UNC5D: variants seen among roughly 807,000 people sequenced by gnomAD.
The protein encoded by UNC5D is netrin receptor UNC5D.
A neutral mutation model predicts 105.4 loss-of-function variants in UNC5D; 39 were observed. The ratio of observed to expected loss-of-function variants is 0.37; its 90% CI spans 0.29 to 0.48. The LOEUF (loss-of-function observed/expected upper bound fraction) is 0.48. Among genes scored for constraint, UNC5D ranks in the 20% least tolerant of loss-of-function variants. The probability of loss-of-function intolerance (pLI) is 0.98; values close to 1 mark genes in which losing one functional copy is unlikely to be tolerated. For missense variants in UNC5D, 991 were observed against 1,202.4 expected, an observed-to-expected ratio of 0.82 and a Z score of 2.60; for synonymous variants, 452 against 450.4, an observed-to-expected ratio of 1.00 and a Z score of -0.04.
chr8:35,676,744 A>G (rs546976280), intron 4 of UNC5D, among the ~76,000 whole-genome samples: 14 of 152,290 alleles, frequency 9.2e-5, no homozygotes, highest in Admixed American at 2.6e-4. Flanking sequence ...GCACCATAAC[A>G]TTCATGGATG....
At chr8:35,533,324 C>T (rs578145069) in intron 1 of UNC5D, among the ~76,000 whole-genome samples, 230 of 152,116 alleles carry the variant, frequency 1.5e-3, no homozygotes, top group Non-Finnish European at 2.8e-3. Context: ...GGTCAGTGTG[C>T]CCCTGCTGGG....
intron 1 of UNC5D, among the ~76,000 whole-genome samples, chr8:35,446,464 T>C (rs949108583): frequency 6.6e-6 from 1 of 152,074 alleles, no homozygotes; most frequent in Admixed American, 6.6e-5. Context: ...TATTGTGATA[T>C]AAGATGTAGA....
intron 9 of UNC5D, among the ~76,000 whole-genome samples, chr8:35,724,938 G>GAA (rs11429724): frequency 2.0e-5 from 3 of 151,566 alleles, no homozygotes; most frequent in South Asian, 4.2e-4. Context: ...CTCATGCATG[G>GAA]AAAAAAAATA....
intron 1 of UNC5D, among the ~76,000 whole-genome samples, chr8:35,364,441 G>GA: frequency 6.6e-6 from 1 of 152,042 alleles, no homozygotes; most frequent in Non-Finnish European, 1.5e-5. Context: ...CCTATTTTAT[G>GA]ATACCACAAG....
At chr8:35,659,948 G>T (rs1824011271) in intron 4 of UNC5D, among the ~76,000 whole-genome samples, 1 of 152,152 alleles carries the variant, frequency 6.6e-6, no homozygotes. Context: ...ACAAGAACTG[G>T]CATGAATGAA....
chr8:35,726,703 AT>A, intron 10 of UNC5D, 174 bp downstream of exon 10: 1 of 1,012,600 alleles, frequency 9.9e-7, no homozygotes, highest in Non-Finnish European at 1.4e-6. Flanking sequence ...CAATGCTGAG[AT>A]TAGATTTTGC....
chr8:35,369,271 G>A (rs1008155480), intron 1 of UNC5D, among the ~76,000 whole-genome samples: 2 of 152,058 alleles, frequency 1.3e-5, no homozygotes, highest in Non-Finnish European at 2.9e-5. Context: ...TATACCATTT[G>A]TCCTTGCATC....
At chr8:35,246,169 C>G (rs1474866278) in intron 1 of UNC5D, among the ~76,000 whole-genome samples, 1 of 152,146 alleles carries the variant, frequency 6.6e-6, no homozygotes, top group African/African-American at 2.4e-5. Flanking sequence ...GTCATTAAGG[C>G]TCCTTCCTGC....
chr8:35,414,151 T>A (rs1305163287), intron 1 of UNC5D, among the ~76,000 whole-genome samples: 1 of 152,234 alleles, frequency 6.6e-6, no homozygotes, highest in East Asian at 1.9e-4. Flanking sequence ...TCTGGCTGTA[T>A]ATACTGGAGC....
chr8:35,350,494 A>C (rs1437364729), intron 1 of UNC5D, among the ~76,000 whole-genome samples: 1 of 152,006 alleles, frequency 6.6e-6, no homozygotes, highest in Non-Finnish European at 1.5e-5. Flanking sequence ...AATTTTCATG[A>C]ATAAAACTCA....
intron 4 of UNC5D, among the ~76,000 whole-genome samples, chr8:35,644,304 C>T (rs1822922275): frequency 6.6e-6 from 1 of 152,022 alleles, no homozygotes; most frequent in African/African-American, 2.4e-5. Context: ...CAATTGTATA[C>T]CTGTTGGTGG....
At position 35,788,053 on chromosome 8, in the gene UNC5D, G is replaced by A. The variant is rs576205502; in HGVS notation, c.2658-2306G>A. Among the ~76,000 whole-genome samples, 18 of 152,194 alleles carry A rather than the reference G, an allele frequency of 1.2e-4. No homozygotes were observed. The South Asian group carries it at 1.5e-3, about 12-fold the overall frequency. Reference sequence around the variant, plus strand: ...AAACTAGAGAGAATGTTTTTAAGCCGGCCTTTTCTATTTCACAATTAAAGA... The same window carrying A: ...AAACTAGAGAGAATGTTTTTAAGCCAGCCTTTTCTATTTCACAATTAAAGA... On this transcript the variant is annotated intron_variant, in intron 16 of 16. Transcript: ENST00000404895.
chr8:35,276,090 G>T (rs1805759680), intron 1 of UNC5D, among the ~76,000 whole-genome samples: 1 of 152,126 alleles, frequency 6.6e-6, no homozygotes, highest in Non-Finnish European at 1.5e-5. Context: ...TTGGCAGGTT[G>T]TGAAGATTTC....
chr8:35,534,245 G>T (rs1040541010), intron 1 of UNC5D, among the ~76,000 whole-genome samples: 1 of 152,104 alleles, frequency 6.6e-6, no homozygotes, highest in Non-Finnish European at 1.5e-5. Flanking sequence ...TGAGCAACTC[G>T]TAATGCTGTT....
intron 4 of UNC5D, among the ~76,000 whole-genome samples, chr8:35,680,507 C>A (rs879088860): frequency 6.6e-6 from 1 of 151,912 alleles, no homozygotes; most frequent in Non-Finnish European, 1.5e-5. Context: ...AAAGTTTGAG[C>A]GTTCATATTA....
At chr8:35,577,853 G>A (rs529614261) in intron 3 of UNC5D, among the ~76,000 whole-genome samples, 28 of 152,224 alleles carry the variant, frequency 1.8e-4, no homozygotes, top group African/African-American at 6.3e-4. Context: ...CCGAAAATGG[G>A]TCAAATCAAC....
intron 4 of UNC5D, among the ~76,000 whole-genome samples, chr8:35,647,865 A>G (rs2131164139): frequency 6.6e-6 from 1 of 152,290 alleles, no homozygotes; most frequent in Middle Eastern, 3.4e-3. Flanking sequence ...GTGTTCCTCT[A>G]CATTTTTACT....
At chr8:35,485,208 C>T (rs1563462850) in intron 1 of UNC5D, among the ~76,000 whole-genome samples, 1 of 152,138 alleles carries the variant, frequency 6.6e-6, no homozygotes, top group Non-Finnish European at 1.5e-5. Flanking sequence ...AAAGACCATG[C>T]CATCTACTTC....
intron 1 of UNC5D, among the ~76,000 whole-genome samples, chr8:35,380,396 T>C (rs1237530699): frequency 6.6e-6 from 1 of 151,682 alleles, no homozygotes; most frequent in Admixed American, 6.6e-5. Flanking sequence ...CTTGGTGGGG[T>C]GGGGGCATGC....
Sources: gnomAD v4.1 joint callset for allele counts (sites outside exome capture counted in the v4.1 genomes callset) on GRCh38, gnomAD v4.1.1 for gene constraint, MANE v1.5 for transcripts, NCBI Gene and HGNC (gene_info 2026-07-23, HGNC 2026-07-21) for gene names.